CEP128: variants seen among roughly 807,000 people sequenced by gnomAD.
CEP128 encodes the protein centrosomal protein 128.
A neutral mutation model predicts 156.7 loss-of-function variants in CEP128; 132 were observed. That is an observed-to-expected ratio of 0.84 (90% confidence interval 0.73 to 0.97). The LOEUF (loss-of-function observed/expected upper bound fraction) is 0.97, where lower values mean the gene tolerates loss of function less well. Ranked by LOEUF, CEP128 falls within the 50% of genes least tolerant of loss-of-function variation. CEP128 has a pLI of 0.00. For missense variants in CEP128, 1,252 were observed against 1,281.9 expected (o/e 0.98, Z 0.36); for synonymous variants, 469 against 448.9 (o/e 1.04, Z -0.57).
At chr14:80,937,142 A>T (rs1487298368) in intron 2 of CEP128, among the ~76,000 whole-genome samples, 1 of 151,854 alleles carries the variant, frequency 6.6e-6, no homozygotes, top group Non-Finnish European at 1.5e-5. Context: ...ACACAGTGAG[A>T]CCTTGTCTCT....
At chr14:80,544,806 A>C (rs546982149) in intron 21 of CEP128, among the ~76,000 whole-genome samples, 1 of 152,316 alleles carries the variant, frequency 6.6e-6, no homozygotes, top group African/African-American at 2.4e-5. Context: ...AGAATGATAA[A>C]ATAGCAAAAT....
chr14:80,602,287 T>A (rs1219811957), intron 19 of CEP128, among the ~76,000 whole-genome samples: 1 of 152,094 alleles, frequency 6.6e-6, no homozygotes, highest in Non-Finnish European at 1.5e-5. Flanking sequence ...ACTTTCAATA[T>A]AGGATAGAAC....
At chr14:80,894,235 C>T (rs1469306074) in intron 8 of CEP128, among the ~76,000 whole-genome samples, 1 of 151,894 alleles carries the variant, frequency 6.6e-6, no homozygotes, top group Non-Finnish European at 1.5e-5. Context: ...GACAGAACTT[C>T]AGCAGTTTCC....
At chr14:80,646,255 G>A (rs896295605) in intron 19 of CEP128, among the ~76,000 whole-genome samples, 6 of 152,012 alleles carry the variant, frequency 3.9e-5, no homozygotes, top group Admixed American at 2.6e-4. Flanking sequence ...CCACTTTGGT[G>A]GGGGATACTG....
In CEP128 at chr14:80,798,288, G is replaced by A. The variant is rs139829609; in HGVS notation, c.1210-5178C>T. On this transcript the variant is annotated intron_variant, in intron 13 of 24. Transcript: ENST00000555265. Reference sequence around the variant, plus strand: ...GTAGTTGGAAGGATTTATAGGACTCGGCATATTACAGTCATAATTATGTTA... The same window carrying A: ...GTAGTTGGAAGGATTTATAGGACTCAGCATATTACAGTCATAATTATGTTA... Among the ~76,000 whole-genome samples, 105 of 152,154 alleles carry A rather than the reference G, an allele frequency of 6.9e-4. 1 individual carries two copies. The highest frequency in any genetic ancestry group is 3.4e-3 in the Middle Eastern group (1 of 294).
intron 13 of CEP128, among the ~76,000 whole-genome samples, chr14:80,795,425 G>T (rs933699323): frequency 2.0e-5 from 3 of 152,080 alleles, no homozygotes; most frequent in African/African-American, 7.2e-5. Context: ...CCCAAACACT[G>T]TATTTTTTCA....
At chr14:80,798,674 T>A (rs1400190027) in intron 13 of CEP128, among the ~76,000 whole-genome samples, 1 of 152,214 alleles carries the variant, frequency 6.6e-6, no homozygotes, top group African/African-American at 2.4e-5. Flanking sequence ...CTACTTATCA[T>A]CCAAGTTCTC....
intron 19 of CEP128, among the ~76,000 whole-genome samples, chr14:80,599,265 C>CTTTTTTTTTTTTTT (rs375136337): frequency 1.2e-5 from 1 of 85,406 alleles, no homozygotes; most frequent in Non-Finnish European, 2.1e-5. Flanking sequence ...CAGTCATATT[C>CTTTTTTTTTTTTTT]TTTTTTTTTT....
In CEP128 at chr14:80,831,157, C is replaced by A; in HGVS notation, c.1195G>T (p.Ala399Ser). The A allele has an allele frequency of 6.2e-7, 1 of 1,613,844 alleles. No individual in the cohort carries two copies. The highest frequency in any genetic ancestry group is 8.5e-7 in the Non-Finnish European group (1 of 1,179,826). The change falls in exon 13 of 25, where the codon GCA becomes TCA. Residue 399 changes from alanine to serine, a missense_variant. Coordinates refer to ENST00000555265, the MANE Select transcript of CEP128 (RefSeq NM_152446.5). The part of the protein sequence containing the change: ...ERKDKEKAHL[A>S]SQVENLTREL... ...AGCAAAGTCACCTCTACTTGTGATG[C>A]CAAATGTGCTTTCTCCTTGTCTTTT...
intron 3 of CEP128, among the ~76,000 whole-genome samples, chr14:80,915,527 T>C (rs1332007726): frequency 6.6e-6 from 1 of 152,192 alleles, no homozygotes; most frequent in Non-Finnish European, 1.5e-5. Context: ...GTTTTCTTTT[T>C]TTCCCCTATA....
intron 16 of CEP128, among the ~76,000 whole-genome samples, chr14:80,764,947 A>C (rs1463873671): frequency 6.6e-6 from 1 of 152,208 alleles, no homozygotes; most frequent in African/African-American, 2.4e-5. Flanking sequence ...TAAATCCAAG[A>C]GTTAAGTAAG....
At chr14:80,683,567 A>G (rs1896407044) in intron 19 of CEP128, among the ~76,000 whole-genome samples, 1 of 152,150 alleles carries the variant, frequency 6.6e-6, no homozygotes, top group Non-Finnish European at 1.5e-5. Flanking sequence ...CAGATCATCA[A>G]AGCAAAAAAC....
intron 18 of CEP128, among the ~76,000 whole-genome samples, chr14:80,745,733 T>C (rs1407316878): frequency 6.6e-6 from 1 of 151,962 alleles, no homozygotes; most frequent in Non-Finnish European, 1.5e-5. Flanking sequence ...CCTAACATTG[T>C]ATTAGAGGGT....
At chr14:80,533,051 T>C (rs1889302119) in intron 21 of CEP128, among the ~76,000 whole-genome samples, 1 of 152,198 alleles carries the variant, frequency 6.6e-6, no homozygotes, top group African/African-American at 2.4e-5. Flanking sequence ...TTTAAATGAC[T>C]TCATCTAATT....
intron 13 of CEP128, among the ~76,000 whole-genome samples, chr14:80,821,556 T>C (rs1054545299): frequency 1.8e-4 from 27 of 151,710 alleles, no homozygotes; most frequent in Non-Finnish European, 3.7e-4. Flanking sequence ...CAATACTTCA[T>C]ATTTTCTGAG....
intron 23 of CEP128, among the ~76,000 whole-genome samples, chr14:80,511,111 T>C (rs541453230): frequency 9.9e-5 from 15 of 151,502 alleles, no homozygotes; most frequent in South Asian, 2.1e-4. Flanking sequence ...ATCAGGGTAA[T>C]ACTGGCCTCA....
At chr14:80,786,379 A>G (rs60659347) in intron 14 of CEP128, among the ~76,000 whole-genome samples, 10,675 of 152,294 alleles carry the variant, frequency 0.07, 395 homozygotes, top group Non-Finnish European at 0.071. Context: ...ATTAAGACTC[A>G]TTTCAGAATT....
At chr14:80,688,703 A>G (rs1896608232) in intron 19 of CEP128, among the ~76,000 whole-genome samples, 1 of 152,236 alleles carries the variant, frequency 6.6e-6, no homozygotes, top group Non-Finnish European at 1.5e-5. Flanking sequence ...TAATTTAGAA[A>G]TAATAACAAT....
chr14:80,801,394 AGT>A (rs142355978), intron 13 of CEP128, among the ~76,000 whole-genome samples: 115,124 of 151,730 alleles, frequency 0.76, 44,089 homozygotes, highest in South Asian at 0.84. Context: ...ATCCCTTACT[AGT>A]TTTTGACATA....
Sources: allele counts gnomAD v4.1 joint callset (sites outside exome capture counted in the v4.1 genomes callset), GRCh38; gene constraint gnomAD v4.1.1; transcripts MANE v1.5; gene names NCBI Gene and HGNC (gene_info 2026-07-23, HGNC 2026-07-21).